Variants in ITGA4 observed in about 807,000 individuals in gnomAD.
The protein encoded by ITGA4 is integrin subunit alpha 4.
A neutral mutation model predicts 133.6 loss-of-function variants in ITGA4; 63 were observed. That is an observed-to-expected ratio of 0.47 (90% CI 0.38 to 0.58). The LOEUF (loss-of-function observed/expected upper bound fraction) is 0.58, where lower values mean the gene tolerates loss of function less well. ITGA4 is among the 20% of genes least tolerant of loss of function. The pLI is 0.00. For missense variants in ITGA4, 1,076 were observed against 1,252.7 expected, an observed-to-expected ratio of 0.86 and a Z score of 2.13; for synonymous variants, 483 against 438.0, an observed-to-expected ratio of 1.10 and a Z score of -1.28.
rs1358630756 is a variant in ITGA4, at chr2:181,538,469, C to T, written c.*2942C>T. ...ACTTCCTTGATTGTCCAATGCTCTC[C>T]ATTACCTCTGTAAAACAGTCAGTTA... On this transcript the variant is annotated 3_prime_UTR_variant, in exon 28 of 28. Transcript: ENST00000397033. Among the ~76,000 whole-genome samples the T allele has an allele frequency of 6.6e-6, 1 of 152,086 alleles. No homozygotes were observed. The highest frequency in any genetic ancestry group is 6.6e-5 in the Admixed American group (1 of 15,238).
Position 181,471,063 on chromosome 2 carries a change from T to C in ITGA4, c.320-3897T>C, listed in dbSNP as rs1476169072. 2.6e-5 allele frequency among the ~76,000 whole-genome samples: 4 copies of C among 152,166 alleles called. No homozygotes were observed. The South Asian group carries it at 6.2e-4, about 24-fold the overall frequency. ...TTAAGAAGTGAAAAGGGGAAACATA[T>C]CTAAATGTAGTATATGTATTTGCTC... On this transcript the variant is annotated intron_variant, in intron 2 of 27. Coordinates refer to ENST00000397033, the MANE Select transcript of ITGA4 (RefSeq NM_000885.6).
intron 17 of ITGA4, among the ~76,000 whole-genome samples, chr2:181,520,510 T>C (rs190228019): frequency 6.6e-6 from 1 of 152,110 alleles, no homozygotes; most frequent in Non-Finnish European, 1.5e-5. Context: ...CCTCTGGCAG[T>C]GTGAAGACTG....
chr2:181,457,284 A>T, upstream of ITGA4: 1 of 211,946 alleles, frequency 4.7e-6, no homozygotes, highest in Non-Finnish European at 9.5e-6. Flanking sequence ...TGCGCAGCCG[A>T]GGTTCCCCAG....
Position 181,495,962 on chromosome 2 carries a change from G to C in ITGA4, c.1540+25G>C. ...GGTGGGTATGCCCTACAATATTAAT[G>C]CTTGATGGGGTGCGGTTCATTCATT... On this transcript the variant is annotated intron_variant, in intron 14 of 27. Transcript: ENST00000397033. The surrounding 1 kb of genome is among the most constrained non-coding windows in gnomAD (Gnocchi z 4.3). 6.2e-7 allele frequency: 1 copy of C among 1,607,960 alleles called. No homozygotes were observed. Among genetic ancestry groups the C allele is most frequent in the Non-Finnish European group, 8.5e-7 (1 of 1,176,082 alleles).
chr2:181,502,997 G>GACC (rs1686312272), intron 15 of ITGA4, among the ~76,000 whole-genome samples: 1 of 152,156 alleles, frequency 6.6e-6, no homozygotes, highest in Non-Finnish European at 1.5e-5. Flanking sequence ...GGCACACCAA[G>GACC]ACGGTGAGGG....
chr2:181,465,454 T>C (rs981020581), intron 2 of ITGA4, among the ~76,000 whole-genome samples: 8 of 152,130 alleles, frequency 5.3e-5, no homozygotes, highest in African/African-American at 1.7e-4. Context: ...CCCTGTGGAT[T>C]CCAAAACCAA....
chr2:181,495,707 GAAAAAAC>G lies in ITGA4; in HGVS notation c.1386-72_1386-66del. The G allele has an allele frequency of 7.5e-7, 1 of 1,341,640 alleles. No individual in the cohort carries two copies. The highest frequency in any genetic ancestry group is 1.0e-6 in the Non-Finnish European group (1 of 961,854). The allele number at this position is 1,341,640 out of a possible 1,614,324, so 83.1% of individuals were successfully genotyped here. On this transcript the variant is annotated intron_variant, in intron 13 of 27. Coordinates refer to ENST00000397033, the MANE Select transcript of ITGA4 (RefSeq NM_000885.6). The surrounding 1 kb of genome is among the most constrained non-coding windows in gnomAD (Gnocchi z 4.3). ...TGAAATTACTTGGTGAATGTAAACT[GAAAAAAC>G]AAACGCATTTCTCTCCTTAAGGAAA...
chr2:181,500,417 A>C (rs927157328), intron 15 of ITGA4, among the ~76,000 whole-genome samples: 4 of 152,160 alleles, frequency 2.6e-5, no homozygotes, highest in African/African-American at 7.2e-5. Context: ...GTAATAGCCC[A>C]AGGCATTAGG....
chr2:181,538,242 A>G lies in ITGA4; in HGVS notation c.*2715A>G, dbSNP rs577490028. On this transcript the variant is annotated 3_prime_UTR_variant, in exon 28 of 28. Coordinates refer to ENST00000397033, the MANE Select transcript of ITGA4 (RefSeq NM_000885.6). The stretch of plus-strand genomic sequence containing the variant: ...ATAAAGACTGATAAGTCTTGGATGC[A>G]ATCTGTAAAGAAAATACATTATTTC... 4.1e-5 allele frequency: 64 copies of G among 1,569,242 alleles called. 1 individual carries two copies. In the South Asian group the frequency reaches 6.8e-4, roughly 17 times the overall value.
chr2:181,498,745 G>A lies in ITGA4; in HGVS notation c.1663G>A (p.Ala555Thr). Residue 555 changes from alanine to threonine, a missense_variant, in exon 15 of 28, where the codon GCT (alanine) becomes ACT (threonine). Physicochemically the swap from Ala to Thr is moderately conservative, Grantham distance 58 (BLOSUM62 0). Coordinates refer to ENST00000397033, the MANE Select transcript of ITGA4 (RefSeq NM_000885.6). ...TGSIQVSSRE[A>T]NCRTHQAFMR... ...AAGCATACAGGTGTCCAGCAGAGAA[G>A]CTAACTGTAGAACACATCAAGCATT... 6.2e-7 allele frequency: 1 copy of A among 1,611,498 alleles called. No homozygotes were observed. The highest frequency in any genetic ancestry group is 8.5e-7 in the Non-Finnish European group (1 of 1,178,656).
In ITGA4 at chr2:181,511,717, T is replaced by A. The variant is rs780503948; in HGVS notation, c.1864T>A (p.Cys622Ser). The A allele has an allele frequency of 1.3e-6, 2 of 1,596,890 alleles. No individual in the cohort carries two copies. Among genetic ancestry groups the A allele is most frequent in the Non-Finnish European group, 1.7e-6 (2 of 1,164,972 alleles). ...MKKTINFARF[C>S]AHENCSADLQ... Reference sequence around the variant, plus strand: ...TTTCCAGATAAACTTTGCAAGGTTTTGTGCCCATGAAAATTGTTCTGCTGA... The same window carrying A: ...TTTCCAGATAAACTTTGCAAGGTTTAGTGCCCATGAAAATTGTTCTGCTGA... Residue 622 changes from cysteine (C) to serine (S), a missense_variant, in exon 17 of 28, where the codon TGT becomes AGT. By Grantham distance (112) the Cys-to-Ser change is moderately radical. Transcript: ENST00000397033.
intron 2 of ITGA4, among the ~76,000 whole-genome samples, chr2:181,472,907 G>T (rs887912815): frequency 6.6e-6 from 1 of 151,962 alleles, no homozygotes; most frequent in Non-Finnish European, 1.5e-5. Context: ...CTTTACCAAG[G>T]TTTGGGCCAC....
chr2:181,535,669 G>A lies in ITGA4; in HGVS notation c.*142G>A. 9.5e-7 allele frequency: 1 copy of A among 1,056,344 alleles called. No individual in the cohort carries two copies. Among genetic ancestry groups the A allele is most frequent in the South Asian group, 2.2e-5 (1 of 46,454 alleles). 65.4% of individuals were successfully genotyped at this position (1,056,344 alleles called of 1,614,324 possible). On this transcript the variant is annotated 3_prime_UTR_variant, in exon 28 of 28. Coordinates refer to ENST00000397033, the MANE Select transcript of ITGA4 (RefSeq NM_000885.6). ...TGTGACATATTATGTCTTCATGCAA[G>A]GGGAAAATCTCAGCAATGATTACTC... is the stretch of plus-strand genomic sequence containing the variant.
chr2:181,486,146 C>A, intron 10 of ITGA4, 154 bp downstream of exon 10: 1 of 888,128 alleles, frequency 1.1e-6, no homozygotes, highest in Non-Finnish European at 1.6e-6. Context: ...TTATATATGA[C>A]TTCTCCTCAA....
chr2:181,491,933 C>T (rs1186364552), intron 10 of ITGA4, among the ~76,000 whole-genome samples: 2 of 152,252 alleles, frequency 1.3e-5, no homozygotes, highest in African/African-American at 4.8e-5. Context: ...AATTGCATTT[C>T]CCCTTTTCTT....
At chr2:181,498,517 G>T (rs1686203447) in intron 14 of ITGA4, 106 bp from the exon 15 acceptor site, 1 of 553,894 alleles carries the variant, frequency 1.8e-6, no homozygotes, top group East Asian at 3.3e-5. Flanking sequence ...GAGAATTCCA[G>T]ATATTATTTC....
At chr2:181,474,897 G>C (rs1685638452) in intron 2 of ITGA4, 63 bp from the exon 3 acceptor site, 1 of 1,289,388 alleles carries the variant, frequency 7.8e-7, no homozygotes. Context: ...TGAGTGCACA[G>C]TTTTCTCTTC....
chr2:181,475,926 A>G, intron 4 of ITGA4: 1 of 1,512,208 alleles, frequency 6.6e-7, no homozygotes, highest in Admixed American at 2.0e-5. Flanking sequence ...AAAATCCAAC[A>G]ATGCGTCTTT....
At chr2:181,522,978 C>T (rs1686750939) in intron 18 of ITGA4, among the ~76,000 whole-genome samples, 1 of 152,188 alleles carries the variant, frequency 6.6e-6, no homozygotes, top group Non-Finnish European at 1.5e-5. Context: ...ACCTTAAACA[C>T]ATTCTCACAT....
Sources: allele counts gnomAD v4.1 joint callset (sites outside exome capture counted in the v4.1 genomes callset), GRCh38; gene constraint gnomAD v4.1.1; non-coding constraint Gnocchi (gnomAD v3.1); transcripts MANE v1.5; gene names NCBI Gene and HGNC (gene_info 2026-07-23, HGNC 2026-07-21).